The following GLDC variants were observed in gnomAD, a reference collection of about 807,000 sequenced individuals.
The protein encoded by GLDC is glycine decarboxylase.
GLDC carries 104 observed loss-of-function variants against 121.3 expected under a neutral mutation model. The ratio of observed to expected loss-of-function variants is 0.86; its 90% CI spans 0.73 to 1.01. The LOEUF is 1.01. Among genes scored for constraint, GLDC ranks in the 50% least tolerant of loss-of-function variants. GLDC has a pLI of 0.00. For synonymous variants in GLDC, 546 were observed against 480.6 expected, an observed-to-expected ratio of 1.14 and a Z score of -1.78; for missense variants, 1,429 against 1,306.6, an observed-to-expected ratio of 1.09 and a Z score of -1.44.
At chr9:6,645,211 G>A (rs371513031) in intron 1 of GLDC, 34 bp downstream of exon 1, 19 of 1,553,378 alleles carry the variant, frequency 1.2e-5, no homozygotes, top group Admixed American at 1.9e-5. Flanking sequence ...CAGGGCGGAG[G>A]GGAGGCCGCG....
chr9:6,565,832 A>G lies in GLDC; in HGVS notation c.1851-403T>C, dbSNP rs560677653. 5 of 400,320 alleles carry G rather than the reference A, an allele frequency of 1.2e-5. No homozygotes were observed. In the East Asian group the frequency reaches 1.4e-4, roughly 12 times the overall value. 24.8% of individuals were successfully genotyped at this position (400,320 alleles called of 1,614,324 possible). ...TTTACGGTCAATCTTGTTTCCTATT[A>G]TATTTCTCACTAACCACTTTCATGC... On this transcript the variant is annotated intron_variant, in intron 15 of 24. Coordinates refer to ENST00000321612, the MANE Select transcript of GLDC (RefSeq NM_000170.3).
At position 6,546,520 on chromosome 9, in the gene GLDC, T is replaced by C. The variant is rs1395020783; in HGVS notation, c.2569+4283A>G. ...TAGCCCCACCTCCGACATCTTGTCC[T>C]CTGGAAGGTGTTCAGGGACAGTAAC... On this transcript the variant is annotated intron_variant, in intron 21 of 24. Coordinates refer to ENST00000321612, the MANE Select transcript of GLDC (RefSeq NM_000170.3). 2.6e-5 allele frequency among the ~76,000 whole-genome samples: 4 copies of C among 152,078 alleles called. No individual in the cohort carries two copies. In the South Asian group the frequency reaches 6.3e-4, roughly 24 times the overall value.
chr9:6,640,867 A>T (rs1318757587), intron 2 of GLDC, among the ~76,000 whole-genome samples: 2 of 152,202 alleles, frequency 1.3e-5, no homozygotes, highest in South Asian at 4.1e-4. Flanking sequence ...AAATTCCAAA[A>T]CTGCAAAGTA....
intron 15 of GLDC, 116 bp from the exon 16 acceptor site, chr9:6,565,545 C>T (rs993849474): frequency 1.3e-6 from 1 of 799,304 alleles, no homozygotes; most frequent in African/African-American, 1.7e-5. Context: ...TGGTCACTGT[C>T]CAGACGCTGA....
chr9:6,592,947 A>T lies in GLDC; in HGVS notation c.1305T>A (p.Phe435Leu). 5 of 1,614,164 alleles carry T rather than the reference A, an allele frequency of 3.1e-6. No homozygotes were observed. Among genetic ancestry groups the T allele is most frequent in the Non-Finnish European group, 4.2e-6 (5 of 1,179,962 alleles). Residue 435 changes from phenylalanine (F) to leucine (L), a missense_variant, in exon 10 of 25, where the codon TTT becomes TTA. By Grantham distance (22) the Phe-to-Leu change is conservative. Transcript: ENST00000321612. ...AGHQLQHDLF[F>L]DTLKIQCGCS... is the part of the protein sequence containing the mutation. Reference sequence around the variant, plus strand: ...AGCCACACTGAATCTTCAAGGTATCAAAGAACAGGTCATGCTGGAGTTGAT... The same window carrying T: ...AGCCACACTGAATCTTCAAGGTATCTAAGAACAGGTCATGCTGGAGTTGAT...
At position 6,610,242 on chromosome 9, in the gene GLDC, G is replaced by A. The variant is rs1391599407; in HGVS notation, c.585C>T (p.Ser195=). 2 of 1,613,948 alleles carry A rather than the reference G, an allele frequency of 1.2e-6. No individual in the cohort carries two copies. Among genetic ancestry groups the A allele is most frequent in the East Asian group, 2.2e-5 (1 of 44,886 alleles). The change falls in exon 4 of 25, where the codon TCC becomes TCT. Residue 195 remains serine, a synonymous_variant. Transcript: ENST00000321612. ...DITGLDMANA[S]LLDEGTAAAE... is the part of the protein sequence containing the mutation. ...CGGCTGCAGTCCCCTCATCCAGCAG[G>A]GATGCATTGGCCATGTCCAGGCCTG...
At chr9:6,638,549 C>A (rs189178347) in intron 2 of GLDC, among the ~76,000 whole-genome samples, 100 of 152,256 alleles carry the variant, frequency 6.6e-4, no homozygotes, top group Non-Finnish European at 9.4e-4. Context: ...AAGATATATT[C>A]CAACTCTTAA....
At chr9:6,636,236 G>A (rs1420738444) in intron 2 of GLDC, among the ~76,000 whole-genome samples, 6 of 151,796 alleles carry the variant, frequency 4.0e-5, no homozygotes, top group African/African-American at 7.3e-5. Context: ...CCCAGGAGGC[G>A]GAGGTTGCAG....
chr9:6,599,066 C>T (rs926363716), intron 8 of GLDC, among the ~76,000 whole-genome samples: 1 of 151,906 alleles, frequency 6.6e-6, no homozygotes, highest in South Asian at 2.1e-4. Context: ...TGCCTGTAAT[C>T]CCAGCTACTC....
rs747853668 is a variant in GLDC at position 6,588,676 on chromosome 9, C to T, written c.1607G>A (p.Arg536Gln). 5.0e-6 allele frequency: 8 copies of T among 1,613,042 alleles called. No homozygotes were observed. Among genetic ancestry groups the T allele is most frequent in the South Asian group, 2.2e-5 (2 of 91,046 alleles). The change falls in exon 13 of 25, where the codon CGG becomes CAG. Residue 536 changes from arginine (R) to glutamine (Q), a missense_variant. Transcript: ENST00000321612. ...TTTATTTTCCAGTTTCTTCATGTACCGGACAATGTTTGTTTCAGAGTGGTA... is the reference window on the plus strand; with the variant it reads ...TTTATTTTCCAGTTTCTTCATGTACTGGACAATGTTTGTTTCAGAGTGGTA... ...NSYHSETNIV[R>Q]YMKKLENKDI...
At position 6,640,904 on chromosome 9, in the gene GLDC, A is replaced by G. The variant is rs77115179; in HGVS notation, c.334+3710T>C. On this transcript the variant is annotated intron_variant, in intron 2 of 24. Coordinates refer to ENST00000321612, the MANE Select transcript of GLDC (RefSeq NM_000170.3). ...TTAAAGGAAAGCTAAAACCACTAAT[A>G]AGGGCACCATTCAGAGAAATCAGTG... Among the ~76,000 whole-genome samples, 4 of 152,352 alleles carry G rather than the reference A, an allele frequency of 2.6e-5. No individual in the cohort carries two copies. In the East Asian group the frequency reaches 7.7e-4, roughly 29 times the overall value.
intron 16 of GLDC, among the ~76,000 whole-genome samples, chr9:6,559,277 G>C (rs1338185052): frequency 2.0e-5 from 3 of 152,236 alleles, no homozygotes; most frequent in Non-Finnish European, 4.4e-5. Context: ...CACTTTGGGA[G>C]GCCGAGGCGG....
In GLDC at chr9:6,582,156, A is replaced by G. The variant is rs528091382; in HGVS notation, c.1850+4985T>C. On this transcript the variant is annotated intron_variant, in intron 15 of 24. Coordinates refer to ENST00000321612, the MANE Select transcript of GLDC (RefSeq NM_000170.3). The stretch of plus-strand genomic sequence containing the variant: ...CTTCAACCTGAGAGGCGGAGGTTGC[A>G]GTGAGCCAAGATTGCTCCACTGCAC... Among the ~76,000 whole-genome samples, 280 of 143,850 alleles carry G rather than the reference A, an allele frequency of 1.9e-3. 1 individual carries two copies. Among genetic ancestry groups the G allele is most frequent in the African/African-American group, 6.9e-3 (267 of 38,820 alleles). 94.4% of individuals were successfully genotyped at this position (143,850 alleles called of 152,430 possible). A position where few individuals can be genotyped will look rare whatever the true frequency, so the allele number is the denominator to read the frequency against.
intron 15 of GLDC, among the ~76,000 whole-genome samples, chr9:6,582,214 CAAAAAAAAAAA>C (rs34879516): frequency 2.5e-4 from 12 of 48,664 alleles, no homozygotes; most frequent in African/African-American, 9.9e-4. Context: ...GACTTCGTCT[CAAAAAAAAAAA>C]AAAAAAAAAA....
At chr9:6,560,281 T>C (rs1817725166) in intron 16 of GLDC, among the ~76,000 whole-genome samples, 1 of 152,242 alleles carries the variant, frequency 6.6e-6, no homozygotes, top group African/African-American at 2.4e-5. Context: ...AGTTAAATCT[T>C]AGCTTACAGC....
chr9:6,628,630 A>C (rs569398453), intron 2 of GLDC, among the ~76,000 whole-genome samples: 6 of 152,318 alleles, frequency 3.9e-5, no homozygotes, highest in African/African-American at 1.4e-4. Context: ...TACAAAAAAA[A>C]AGTCAAAGAA....
chr9:6,594,336 G>A (rs746901245), intron 9 of GLDC, among the ~76,000 whole-genome samples: 1 of 151,978 alleles, frequency 6.6e-6, no homozygotes, highest in Admixed American at 6.6e-5. Flanking sequence ...GGGCCGGTAG[G>A]AAAGTAAGAG....
At chr9:6,620,399 G>T in intron 2 of GLDC, 80 bp from the exon 3 acceptor site, 1 of 1,216,670 alleles carries the variant, frequency 8.2e-7, no homozygotes, top group Non-Finnish European at 1.2e-6. Flanking sequence ...CCCTCATTTT[G>T]TTTGAGTATT....
chr9:6,599,053 G>A (rs1381813918), intron 8 of GLDC, among the ~76,000 whole-genome samples: 2 of 151,910 alleles, frequency 1.3e-5, no homozygotes, highest in Admixed American at 6.6e-5. Context: ...GCATGGTCGT[G>A]GGTGCCTGTA....
Sources: gnomAD v4.1 joint callset for allele counts (sites outside exome capture counted in the v4.1 genomes callset) on GRCh38, gnomAD v4.1.1 for gene constraint, MANE v1.5 for transcripts, NCBI Gene and HGNC (gene_info 2026-07-23, HGNC 2026-07-21) for gene names.